The following EFCAB11 variants were observed in gnomAD, a reference collection of about 807,000 sequenced individuals.
EFCAB11 encodes the protein EF-hand calcium binding domain 11.
EFCAB11 carries 14 observed loss-of-function variants against 23.0 expected under a neutral mutation model. That is an observed-to-expected ratio of 0.61 (90% CI 0.40 to 0.95). The LOEUF (loss-of-function observed/expected upper bound fraction) is 0.95. Ranked by LOEUF, EFCAB11 falls within the 40% of genes least tolerant of loss-of-function variation. EFCAB11 has a pLI of 0.00. For synonymous variants in EFCAB11, 65 were observed against 66.6 expected (o/e 0.98, Z 0.11); for missense variants, 198 against 195.8 (o/e 1.01, Z -0.07).
At chr14:89,876,044 AC>A (rs1888428451) in intron 5 of EFCAB11, among the ~76,000 whole-genome samples, 1 of 152,210 alleles carries the variant, frequency 6.6e-6, no homozygotes, top group Middle Eastern at 3.2e-3. Flanking sequence ...ACATTTGGCA[AC>A]TGGGAGGTTG....
chr14:89,931,634 A>G lies in EFCAB11; in HGVS notation c.320-3T>C. On this transcript the variant is annotated splice_polypyrimidine_tract_variant and splice_region_variant and intron_variant, in intron 4 of 5. Transcript: ENST00000316738. ...TTCCAAAGTTAAAAATCCACGATCT[A>G]TTTGAAAACAATAAAAAATATTCAC... is the stretch of plus-strand genomic sequence containing the variant. The G allele has an allele frequency of 1.9e-6, 3 of 1,612,374 alleles. No homozygotes were observed. Among genetic ancestry groups the G allele is most frequent in the Non-Finnish European group, 2.5e-6 (3 of 1,178,926 alleles).
chr14:89,945,943 G>C (rs1464337090), intron 3 of EFCAB11, among the ~76,000 whole-genome samples: 1 of 145,122 alleles, frequency 6.9e-6, no homozygotes, highest in African/African-American at 2.6e-5. Flanking sequence ...TTTTGAGACA[G>C]AGTCTTGCTC....
chr14:89,912,854 T>C (rs1176087416), intron 5 of EFCAB11, among the ~76,000 whole-genome samples: 3 of 152,212 alleles, frequency 2.0e-5, no homozygotes, highest in Non-Finnish European at 4.4e-5. Context: ...AATGGGAAGA[T>C]GAATGTTTCA....
chr14:89,855,394 T>C (rs1002775654), intron 5 of EFCAB11, among the ~76,000 whole-genome samples: 4 of 151,972 alleles, frequency 2.6e-5, no homozygotes, highest in Non-Finnish European at 5.9e-5. Context: ...GAGGATTGCT[T>C]GAGTCTGGGA....
intron 5 of EFCAB11, among the ~76,000 whole-genome samples, chr14:89,885,546 C>T (rs185867213): frequency 4.6e-4 from 70 of 151,920 alleles, no homozygotes; most frequent in African/African-American, 1.5e-3. Flanking sequence ...GGCGTGGTAG[C>T]GTGCGCCTGT....
At chr14:89,925,056 T>C (rs1890145912) in intron 5 of EFCAB11, among the ~76,000 whole-genome samples, 2 of 152,130 alleles carry the variant, frequency 1.3e-5, no homozygotes, top group South Asian at 4.1e-4. Flanking sequence ...ATAAATACTA[T>C]CAACATTTAA....
rs36090306 is a variant in EFCAB11 at position 89,812,849 on chromosome 14, T to C, written c.411-15525A>G. 9.0e-3 allele frequency among the ~76,000 whole-genome samples: 1,368 copies of C among 152,256 alleles called. 8 individuals are homozygous for C. Among genetic ancestry groups the C allele is most frequent in the Middle Eastern group, 0.017 (5 of 294 alleles). Reference sequence around the variant, plus strand: ...AATATGGAAGCAAGGAAAATTTTCTTAGTACAAAAGCAATTGAAGAAATTG... The same window carrying C: ...AATATGGAAGCAAGGAAAATTTTCTCAGTACAAAAGCAATTGAAGAAATTG... On this transcript the variant is annotated intron_variant, in intron 5 of 5. Coordinates refer to ENST00000316738, the MANE Select transcript of EFCAB11 (RefSeq NM_145231.4).
chr14:89,891,643 A>C (rs1243561686), intron 5 of EFCAB11, among the ~76,000 whole-genome samples: 2 of 152,178 alleles, frequency 1.3e-5, no homozygotes, highest in Admixed American at 6.5e-5. Context: ...GCTTGAAATG[A>C]AACAAAACAA....
At chr14:89,883,632 A>T (rs1055226743) in intron 5 of EFCAB11, among the ~76,000 whole-genome samples, 3 of 152,224 alleles carry the variant, frequency 2.0e-5, no homozygotes, top group Non-Finnish European at 4.4e-5. Flanking sequence ...ACTTAAAAAA[A>T]ATATTTTCTG....
chr14:89,945,464 T>A (rs1201247291), intron 3 of EFCAB11, among the ~76,000 whole-genome samples: 1 of 152,208 alleles, frequency 6.6e-6, no homozygotes, highest in East Asian at 1.9e-4. Flanking sequence ...TCCCTTTTGA[T>A]TTTTTCTTTG....
intron 5 of EFCAB11, among the ~76,000 whole-genome samples, chr14:89,876,561 T>A (rs978958486): frequency 6.6e-6 from 1 of 152,220 alleles, no homozygotes; most frequent in Non-Finnish European, 1.5e-5. Flanking sequence ...CTTGATGGGC[T>A]TCTGTGCAAT....
intron 5 of EFCAB11, among the ~76,000 whole-genome samples, chr14:89,877,178 T>C: frequency 6.6e-6 from 1 of 152,076 alleles, no homozygotes; most frequent in Non-Finnish European, 1.5e-5. Flanking sequence ...TAGCTAGGAT[T>C]ATAGGTGTGT....
chr14:89,880,437 G>A (rs1888565792), intron 5 of EFCAB11, among the ~76,000 whole-genome samples: 1 of 152,196 alleles, frequency 6.6e-6, no homozygotes, highest in African/African-American at 2.4e-5. Context: ...AAGGGACTAA[G>A]ACGAACTGCA....
chr14:89,836,356 A>C (rs1214947183), intron 5 of EFCAB11: 2 of 340,850 alleles, frequency 5.9e-6, no homozygotes, highest in African/African-American at 4.3e-5. Flanking sequence ...ATTACCTTTT[A>C]GACCACATTC....
At chr14:89,894,681 T>G (rs1253589490) in intron 5 of EFCAB11, among the ~76,000 whole-genome samples, 1 of 152,094 alleles carries the variant, frequency 6.6e-6, no homozygotes. Flanking sequence ...CAAAAAGAAA[T>G]AAATGATATA....
intron 5 of EFCAB11, among the ~76,000 whole-genome samples, chr14:89,874,422 CCTT>C (rs1166450233): frequency 6.6e-6 from 1 of 152,136 alleles, no homozygotes; most frequent in Non-Finnish European, 1.5e-5. Context: ...ACATTTGGCT[CCTT>C]GTTATTTATG....
chr14:89,951,833 G>A (rs1389056955), intron 2 of EFCAB11, among the ~76,000 whole-genome samples: 6 of 152,102 alleles, frequency 3.9e-5, no homozygotes, highest in African/African-American at 1.4e-4. Context: ...GATGAGGCAG[G>A]AGAATTGCTT....
At chr14:89,820,893 ATATGT>A (rs1166957871) in intron 5 of EFCAB11, among the ~76,000 whole-genome samples, 1 of 151,648 alleles carries the variant, frequency 6.6e-6, no homozygotes, top group African/African-American at 2.4e-5. Context: ...TATATATAAA[ATATGT>A]TATATGTTTT....
intron 5 of EFCAB11, among the ~76,000 whole-genome samples, chr14:89,800,226 C>T (rs981854040): frequency 7.2e-6 from 1 of 139,742 alleles, no homozygotes; most frequent in Non-Finnish European, 1.6e-5. Flanking sequence ...CAAACAAACG[C>T]ACGCCTGAGA....
Sources: gnomAD v4.1 joint callset for allele counts (sites outside exome capture counted in the v4.1 genomes callset) on GRCh38, gnomAD v4.1.1 for gene constraint, MANE v1.5 for transcripts, NCBI Gene and HGNC (gene_info 2026-07-23, HGNC 2026-07-21) for gene names.